The following TMEM132C variants were observed in gnomAD, a reference collection of about 807,000 sequenced individuals.
TMEM132C encodes the protein transmembrane protein 132C, also known as protein phosphatase 1, regulatory subunit 152.
TMEM132C carries 29 observed loss-of-function variants against 61.4 expected under a neutral mutation model. The observed-to-expected ratio is 0.47, with a 90% CI of 0.35 to 0.64. The LOEUF (loss-of-function observed/expected upper bound fraction) is 0.64. Among genes scored for constraint, TMEM132C ranks in the 30% least tolerant of loss-of-function variants. The pLI, the probability that TMEM132C is intolerant of heterozygous loss-of-function variation, is 0.00. For missense variants in TMEM132C, 1,408 were observed against 1,476.9 expected, an observed-to-expected ratio of 0.95 and a Z score of 0.76; for synonymous variants, 656 against 633.1, an observed-to-expected ratio of 1.04 and a Z score of -0.54.
At chr12:128,317,620 C>T (rs1014802230) in intron 1 of TMEM132C, among the ~76,000 whole-genome samples, 1 of 152,236 alleles carries the variant, frequency 6.6e-6, no homozygotes, top group African/African-American at 2.4e-5. Context: ...CACATTGGCT[C>T]ATGCCTGTAA....
chr12:128,422,402 G>T (rs1351080734), intron 2 of TMEM132C, among the ~76,000 whole-genome samples: 1 of 152,204 alleles, frequency 6.6e-6, no homozygotes, highest in African/African-American at 2.4e-5. Flanking sequence ...AGTAAGCAAT[G>T]AAATTGATAC....
chr12:128,374,288 T>C (rs1205896413), intron 1 of TMEM132C, among the ~76,000 whole-genome samples: 1 of 152,154 alleles, frequency 6.6e-6, no homozygotes, highest in Non-Finnish European at 1.5e-5. Flanking sequence ...AGAAGTCAGG[T>C]TTCAGAACTG....
rs1868758942 is a variant in TMEM132C, at chr12:128,415,710, C to T, written c.974+90C>T. 1.0e-5 allele frequency: 14 copies of T among 1,377,254 alleles called. No individual in the cohort carries two copies. The highest frequency in any genetic ancestry group is 5.9e-5 in the African/African-American group (4 of 68,354). 85.3% of individuals were successfully genotyped at this position (1,377,254 alleles called of 1,614,324 possible). ...TGGCAGATAGATATTCAGGAAGCAT[C>T]GATTTTCACTACCTTCAGGGACCGT... On this transcript the variant is annotated intron_variant, in intron 2 of 8. Transcript: ENST00000435159. This position sits in a 1 kb window ranked among gnomAD's most constrained non-coding sequence, Gnocchi z 5.8.
intron 2 of TMEM132C, among the ~76,000 whole-genome samples, chr12:128,526,565 G>A (rs758822974): frequency 2.0e-5 from 3 of 152,146 alleles, no homozygotes; most frequent in Admixed American, 6.5e-5. Flanking sequence ...GCATCCTTCC[G>A]CAGATGAAGT....
intron 2 of TMEM132C, among the ~76,000 whole-genome samples, chr12:128,520,543 AT>A (rs1305880275): frequency 6.6e-5 from 10 of 152,184 alleles, no homozygotes; most frequent in Non-Finnish European, 1.3e-4. Flanking sequence ...ATACCACAGA[AT>A]TTCTTAGCCT....
chr12:128,328,786 T>TAA lies in TMEM132C; in HGVS notation c.85+61322_85+61323dup, dbSNP rs71069557. On this transcript the variant is annotated intron_variant, in intron 1 of 8. Transcript: ENST00000435159. The stretch of plus-strand genomic sequence containing the variant: ...TGGGTGACAGAGCAAGATTCTGTCT[T>TAA]AAAAAAAAAAAAAAAAAAAAAAAAG... Among the ~76,000 whole-genome samples the TAA allele has an allele frequency of 8.3e-3, 784 of 94,186 alleles. 10 individuals carry two copies. Among genetic ancestry groups the TAA allele is most frequent in the African/African-American group, 0.028 (691 of 24,250 alleles). The allele number at this position is 94,186 out of a possible 152,430, so 61.8% of individuals were successfully genotyped here. A position where few individuals can be genotyped will look rare whatever the true frequency, so the allele number is the denominator to read the frequency against.
intron 2 of TMEM132C, among the ~76,000 whole-genome samples, chr12:128,508,747 AG>A (rs1872469023): frequency 6.6e-6 from 1 of 152,130 alleles, no homozygotes; most frequent in African/African-American, 2.4e-5. Context: ...TCCTGTTTGC[AG>A]CCTGGTACCA....
At chr12:128,638,939 T>G (rs1954124235) in intron 4 of TMEM132C, among the ~76,000 whole-genome samples, 1 of 148,846 alleles carries the variant, frequency 6.7e-6, no homozygotes, top group Admixed American at 6.7e-5. Context: ...ATGGTGGTGA[T>G]GGTGATGATG....
intron 1 of TMEM132C, among the ~76,000 whole-genome samples, chr12:128,319,934 T>A (rs564789563): frequency 1.3e-5 from 2 of 152,242 alleles, no homozygotes; most frequent in South Asian, 4.1e-4. Context: ...CTGTGTGAGA[T>A]CTTGGACATT....
intron 1 of TMEM132C, among the ~76,000 whole-genome samples, chr12:128,340,406 A>T (rs1872919007): frequency 6.6e-6 from 1 of 152,200 alleles, no homozygotes; most frequent in South Asian, 2.1e-4. Context: ...TTTTAGTTGC[A>T]ACAAAATGAC....
At chr12:128,474,947 C>T (rs890605471) in intron 2 of TMEM132C, among the ~76,000 whole-genome samples, 3 of 152,126 alleles carry the variant, frequency 2.0e-5, no homozygotes, top group East Asian at 3.9e-4. Context: ...GACAGTGCCC[C>T]CTTTGGAATA....
At chr12:128,663,823 TAC>T (rs1486279100) in intron 4 of TMEM132C, among the ~76,000 whole-genome samples, 7 of 146,574 alleles carry the variant, frequency 4.8e-5, no homozygotes, top group African/African-American at 7.6e-5. Flanking sequence ...TGCACCCACA[TAC>T]AGGCACACCC....
chr12:128,349,809 A>C (rs1462134678), intron 1 of TMEM132C, among the ~76,000 whole-genome samples: 2 of 152,138 alleles, frequency 1.3e-5, no homozygotes, highest in Non-Finnish European at 2.9e-5. Flanking sequence ...GTCTACTTGT[A>C]GGTAAATTCT....
chr12:128,422,141 C>G (rs1869008746), intron 2 of TMEM132C, among the ~76,000 whole-genome samples: 1 of 152,182 alleles, frequency 6.6e-6, no homozygotes, highest in Non-Finnish European at 1.5e-5. Flanking sequence ...GTCATCAGTT[C>G]TGAAAATTCC....
intron 1 of TMEM132C, among the ~76,000 whole-genome samples, chr12:128,295,003 G>GATAGATAGATAGATAGA (rs1263042761): frequency 1.1e-5 from 1 of 91,872 alleles, no homozygotes; most frequent in South Asian, 5.1e-4. Flanking sequence ...AGATAGATAG[G>GATAGATAGATAGATAGA]TAGATAGATA....
At chr12:128,530,841 T>C (rs1027843135) in intron 2 of TMEM132C, among the ~76,000 whole-genome samples, 4 of 152,218 alleles carry the variant, frequency 2.6e-5, no homozygotes, top group Non-Finnish European at 2.9e-5. Context: ...ATGAAATAAT[T>C]AGGAAGTGCT....
At chr12:128,319,089 C>T (rs151100422) in intron 1 of TMEM132C, among the ~76,000 whole-genome samples, 615 of 152,254 alleles carry the variant, frequency 4.0e-3, no homozygotes, top group African/African-American at 0.013. Context: ...AGGGTAAATA[C>T]AATGTTGGCC....
Position 128,570,099 on chromosome 12 carries a change from C to T in TMEM132C, c.1121+25996C>T, listed in dbSNP as rs572562111. ...AAATATGAAAAAGCATATAACCCAC[C>T]GTGAATACAACTGGGGTTATCTTCT... On this transcript the variant is annotated intron_variant, in intron 3 of 8. Transcript: ENST00000435159. The surrounding 1 kb of genome is among the most constrained non-coding windows in gnomAD (Gnocchi z 4.7). 1.3e-5 allele frequency among the ~76,000 whole-genome samples: 2 copies of T among 152,186 alleles called. No individual in the cohort carries two copies. Among genetic ancestry groups the T allele is most frequent in the Admixed American group, 6.5e-5 (1 of 15,290 alleles).
At chr12:128,602,585 C>T (rs1274308810) in intron 3 of TMEM132C, among the ~76,000 whole-genome samples, 1 of 152,208 alleles carries the variant, frequency 6.6e-6, no homozygotes, top group Non-Finnish European at 1.5e-5. Context: ...TGAAATTCAC[C>T]AAGGCATCCA....
Sources: gnomAD v4.1 joint callset for allele counts (sites outside exome capture counted in the v4.1 genomes callset) on GRCh38, gnomAD v4.1.1 for gene constraint, Gnocchi (gnomAD v3.1) non-coding constraint, MANE v1.5 for transcripts, NCBI Gene and HGNC (gene_info 2026-07-23, HGNC 2026-07-21) for gene names.